ASTN1: variants seen among roughly 807,000 people sequenced by gnomAD.
The protein encoded by ASTN1 is astrotactin 1.
Under a neutral mutation model 140.7 loss-of-function variants are expected in ASTN1, and 41 were observed. The ratio of observed to expected loss-of-function variants is 0.29; its 90% confidence interval spans 0.23 to 0.38. ASTN1 has a LOEUF of 0.38. Ranked by LOEUF, ASTN1 falls within the 10% of genes least tolerant of loss-of-function variation. ASTN1 has a pLI of 1.00. For synonymous variants in ASTN1, 640 were observed against 652.2 expected (o/e 0.98, Z 0.29); for missense variants, 1,479 against 1,678.8 (o/e 0.88, Z 2.08).
intron 1 of ASTN1, among the ~76,000 whole-genome samples, chr1:177,152,593 A>T (rs545520970): frequency 1.8e-4 from 27 of 152,178 alleles, no homozygotes; most frequent in Non-Finnish European, 3.1e-4. Flanking sequence ...GCAAATGTAT[A>T]AATTTCTTAA....
At chr1:176,941,469 T>C (rs1171069779) in intron 14 of ASTN1, among the ~76,000 whole-genome samples, 2 of 152,146 alleles carry the variant, frequency 1.3e-5, no homozygotes, top group Non-Finnish European at 2.9e-5. Flanking sequence ...ATCATCAAAA[T>C]AAAAGTGTCC....
At chr1:177,029,768 A>C in intron 4 of ASTN1, 27 bp from the exon 5 acceptor site, 1 of 1,587,536 alleles carries the variant, frequency 6.3e-7, no homozygotes, top group Non-Finnish European at 8.6e-7. Flanking sequence ...ATGGTCAAGA[A>C]AGCGTTTTCA....
intron 8 of ASTN1, among the ~76,000 whole-genome samples, chr1:176,966,280 C>A (rs1481421225): frequency 1.3e-5 from 2 of 152,132 alleles, no homozygotes; most frequent in Admixed American, 1.3e-4. Context: ...GTTTTCAATG[C>A]AGAGGGTATC....
chr1:176,984,713 A>G (rs1379364497), intron 8 of ASTN1, among the ~76,000 whole-genome samples: 1 of 152,178 alleles, frequency 6.6e-6, no homozygotes, highest in African/African-American at 2.4e-5. Context: ...TCTCTAACTT[A>G]TACTTCTTAT....
chr1:176,969,178 C>T (rs186215689), intron 8 of ASTN1, among the ~76,000 whole-genome samples: 1 of 152,232 alleles, frequency 6.6e-6, no homozygotes, highest in Admixed American at 6.5e-5. Flanking sequence ...AAAAGCCTAT[C>T]ATGAAATCTT....
At chr1:177,079,148 A>T (rs1679061726) in intron 1 of ASTN1, among the ~76,000 whole-genome samples, 1 of 152,236 alleles carries the variant, frequency 6.6e-6, no homozygotes, top group African/African-American at 2.4e-5. Context: ...AGCAACACAA[A>T]GATTCAGGAA....
In ASTN1 at chr1:176,861,672, TTGTGTGTGCACACGTGTGTG is replaced by T. The variant is rs1667966738; in HGVS notation, c.*2592_*2611del. The T allele has an allele frequency of 1.0e-6, 1 of 985,270 alleles. No homozygotes were observed. The highest frequency in any genetic ancestry group is 1.2e-6 in the Non-Finnish European group (1 of 829,936). The allele number at this position is 985,270 out of a possible 1,614,324, so 61.0% of individuals were successfully genotyped here. A position where few individuals can be genotyped will look rare whatever the true frequency, so the allele number is the denominator to read the frequency against. On this transcript the variant is annotated 3_prime_UTR_variant, in exon 23 of 23. Coordinates refer to ENST00000361833, the MANE Select transcript of ASTN1 (RefSeq NM_004319.3). ...GAGCCAGTCATAGGAGTTGTGTGCATTGTGTGTGCACACGTGTGTGTGTGTGTACATACATACACACATTC... is the reference window on the plus strand; with the variant it reads ...GAGCCAGTCATAGGAGTTGTGTGCATTGTGTGTACATACATACACACATTC...
At chr1:177,076,445 AAGGG>A (rs1678917197) in intron 1 of ASTN1, among the ~76,000 whole-genome samples, 2 of 151,944 alleles carry the variant, frequency 1.3e-5, no homozygotes, top group Admixed American at 1.3e-4. Flanking sequence ...GGTCATAATG[AAGGG>A]CCAGTCATTT....
At chr1:176,898,921 G>C (rs924820124) in intron 16 of ASTN1, among the ~76,000 whole-genome samples, 1 of 152,146 alleles carries the variant, frequency 6.6e-6, no homozygotes, top group Non-Finnish European at 1.5e-5. Context: ...GAAGAAATAA[G>C]CTACAATTAA....
intron 2 of ASTN1, 21 bp downstream of exon 2, chr1:177,061,057 C>T: frequency 6.5e-7 from 1 of 1,546,100 alleles, no homozygotes; most frequent in Non-Finnish European, 8.7e-7. Flanking sequence ...GCCTGAGAGG[C>T]TAAGGCTGTT....
At chr1:176,911,248 G>A (rs1205321314) in intron 16 of ASTN1, among the ~76,000 whole-genome samples, 1 of 152,126 alleles carries the variant, frequency 6.6e-6, no homozygotes, top group African/African-American at 2.4e-5. Flanking sequence ...TGAGTCAGTG[G>A]GTGAGTGGTG....
intron 14 of ASTN1, among the ~76,000 whole-genome samples, chr1:176,939,700 T>C (rs1358657887): frequency 2.6e-5 from 4 of 151,882 alleles, no homozygotes; most frequent in African/African-American, 7.3e-5. Context: ...TCTGACTATG[T>C]TTTTTCAAGA....
rs1209945764 is a variant in ASTN1 at position 177,122,468 on chromosome 1, C to T, written c.283+41926G>A. Among the ~76,000 whole-genome samples, 8 of 152,156 alleles carry T rather than the reference C, an allele frequency of 5.3e-5. 1 individual carries two copies. Among genetic ancestry groups the T allele is most frequent in the Non-Finnish European group, 2.9e-5 (2 of 68,024 alleles). On this transcript the variant is annotated intron_variant, in intron 1 of 22. Coordinates refer to ENST00000361833, the MANE Select transcript of ASTN1 (RefSeq NM_004319.3). ...ATGTGGCAGTAGAGAAGAGCCTCAA[C>T]TTCCAAGGTCAAGGATGCTAGAGGG...
intron 8 of ASTN1, among the ~76,000 whole-genome samples, chr1:176,985,403 GT>G (rs1483917108): frequency 6.6e-6 from 1 of 151,920 alleles, no homozygotes. Context: ...AGTCCTCAAG[GT>G]TTTTGGAGCT....
chr1:177,092,558 T>G (rs1679809411), intron 1 of ASTN1, among the ~76,000 whole-genome samples: 1 of 152,214 alleles, frequency 6.6e-6, no homozygotes, highest in Non-Finnish European at 1.5e-5. Context: ...TGGTGTCATA[T>G]TTAAGATCCA....
chr1:176,988,353 A>C lies in ASTN1; in HGVS notation c.1524-23116T>G, dbSNP rs370775408. Among the ~76,000 whole-genome samples the C allele has an allele frequency of 5.3e-5, 8 of 151,326 alleles. No individual in the cohort carries two copies. The East Asian group carries it at 1.5e-3, about 29-fold the overall frequency. Reference sequence around the variant, plus strand: ...AAAAAACCTTTCCTTTTAGATCCCCAAATGTTTGAACTTTGTCCAGGACAG... The same window carrying C: ...AAAAAACCTTTCCTTTTAGATCCCCCAATGTTTGAACTTTGTCCAGGACAG... On this transcript the variant is annotated intron_variant, in intron 8 of 22. Transcript: ENST00000361833.
intron 11 of ASTN1, among the ~76,000 whole-genome samples, chr1:176,950,265 C>T (rs910996825): frequency 6.6e-6 from 1 of 152,146 alleles, no homozygotes; most frequent in Non-Finnish European, 1.5e-5. Context: ...TGATCATCCC[C>T]ATTTTGCATA....
intron 2 of ASTN1, among the ~76,000 whole-genome samples, chr1:177,052,444 G>A (rs1334341864): frequency 6.6e-6 from 1 of 152,178 alleles, no homozygotes; most frequent in Non-Finnish European, 1.5e-5. Context: ...CCCATTTTAT[G>A]GATAGGGAAA....
rs575959144 is a variant in ASTN1 at position 177,159,993 on chromosome 1, T to C, written c.283+4401A>G. ...AAGGCTGGTGTGAGAAATCACTCAA[T>C]GGGCAAGGATATTCAAGAAGTATTT... On this transcript the variant is annotated intron_variant, in intron 1 of 22. Transcript: ENST00000361833. Among the ~76,000 whole-genome samples the C allele has an allele frequency of 2.6e-5, 4 of 152,324 alleles. No individual in the cohort carries two copies. The East Asian group carries it at 7.7e-4, about 29-fold the overall frequency.
Sources: gnomAD v4.1 joint callset for allele counts (sites outside exome capture counted in the v4.1 genomes callset) on GRCh38, gnomAD v4.1.1 for gene constraint, MANE v1.5 for transcripts, NCBI Gene and HGNC (gene_info 2026-07-23, HGNC 2026-07-21) for gene names.